The following FNBP1L variants were observed in gnomAD, a reference collection of about 807,000 sequenced individuals.
FNBP1L encodes the protein formin-binding protein 1-like.
Under a neutral mutation model 91.2 loss-of-function variants are expected in FNBP1L, and 36 were observed. The observed-to-expected ratio is 0.39, with a 90% CI of 0.30 to 0.52. The LOEUF is 0.52. Ranked by LOEUF, FNBP1L falls within the 20% of genes least tolerant of loss-of-function variation. FNBP1L has a pLI of 0.66. For missense variants in FNBP1L, 571 were observed against 732.1 expected, an observed-to-expected ratio of 0.78 and a Z score of 2.54; for synonymous variants, 242 against 237.0, an observed-to-expected ratio of 1.02 and a Z score of -0.19.
intron 11 of FNBP1L, among the ~76,000 whole-genome samples, chr1:93,542,192 G>T (rs1218380362): frequency 6.6e-6 from 1 of 151,828 alleles, no homozygotes; most frequent in Non-Finnish European, 1.5e-5. Flanking sequence ...GGGAGGATTG[G>T]TTGAGCCCAG....
chr1:93,487,875 A>G (rs564525997), intron 1 of FNBP1L, among the ~76,000 whole-genome samples: 1 of 152,302 alleles, frequency 6.6e-6, no homozygotes, highest in African/African-American at 2.4e-5. Flanking sequence ...TTTATCGTGT[A>G]TCTTCAGCAG....
chr1:93,475,753 A>G (rs1171812508), intron 1 of FNBP1L, among the ~76,000 whole-genome samples: 1 of 152,202 alleles, frequency 6.6e-6, no homozygotes, highest in Admixed American at 6.5e-5. Context: ...TATGCATGAG[A>G]GTAGTTGTAA....
rs142989195 is a variant in FNBP1L, at chr1:93,521,021, G to A, written c.141-1061G>A. 1.9e-3 allele frequency among the ~76,000 whole-genome samples: 291 copies of A among 150,844 alleles called. 2 individuals carry two copies. Among genetic ancestry groups the A allele is most frequent in the African/African-American group, 6.8e-3 (280 of 40,936 alleles). ...CGCCCCACTGCACTCCAGCCTGGGC[G>A]ACACAGTGAGACTCCATCTCAATAA... On this transcript the variant is annotated intron_variant, in intron 2 of 16. Coordinates refer to ENST00000271234, the MANE Select transcript of FNBP1L (RefSeq NM_001164473.3).
At chr1:93,525,353 C>T (rs1052873189) in intron 5 of FNBP1L, among the ~76,000 whole-genome samples, 1 of 152,056 alleles carries the variant, frequency 6.6e-6, no homozygotes, top group Non-Finnish European at 1.5e-5. Flanking sequence ...ACTTTGATTA[C>T]ATTTCTACTA....
chr1:93,544,853 A>G (rs1233417638), intron 12 of FNBP1L, among the ~76,000 whole-genome samples: 1 of 152,102 alleles, frequency 6.6e-6, no homozygotes, highest in Non-Finnish European at 1.5e-5. Context: ...CTTAATCATA[A>G]TGAAATATTT....
intron 1 of FNBP1L, among the ~76,000 whole-genome samples, chr1:93,476,705 A>AG (rs201231867): frequency 1.3e-5 from 2 of 152,022 alleles, no homozygotes; most frequent in African/African-American, 2.4e-5. Flanking sequence ...GAGTGGGCAG[A>AG]GGGGGGGAGT....
intron 1 of FNBP1L, among the ~76,000 whole-genome samples, chr1:93,466,215 C>A (rs938846653): frequency 1.2e-4 from 18 of 152,184 alleles, no homozygotes; most frequent in African/African-American, 3.9e-4. Flanking sequence ...ATTAGATCCC[C>A]TTTGTCTATT....
rs1377365484 is a variant in FNBP1L at position 93,553,797 on chromosome 1, C to T, written c.*1381C>T. ...ATTCTGTTAATGACATGTATCTTAA[C>T]TAATTTCTTAGTGGTGTTGTAATAG... On this transcript the variant is annotated 3_prime_UTR_variant, in exon 17 of 17. Transcript: ENST00000271234. 6.6e-6 allele frequency: 1 copy of T among 152,584 alleles called. No homozygotes were observed. Among genetic ancestry groups the T allele is most frequent in the African/African-American group, 2.4e-5 (1 of 41,422 alleles). The allele number at this position is 152,584 out of a possible 1,614,324, so 9.5% of individuals were successfully genotyped here.
chr1:93,473,780 A>G (rs1323666834), intron 1 of FNBP1L, among the ~76,000 whole-genome samples: 1 of 152,212 alleles, frequency 6.6e-6, no homozygotes, highest in Non-Finnish European at 1.5e-5. Context: ...CTGTGGAGCC[A>G]GCAGTGGTGG....
intron 1 of FNBP1L, among the ~76,000 whole-genome samples, chr1:93,453,576 A>G (rs1233054547): frequency 6.6e-6 from 1 of 152,194 alleles, no homozygotes; most frequent in African/African-American, 2.4e-5. Context: ...AATGTCAAAT[A>G]CCTTCTGTGT....
intron 1 of FNBP1L, among the ~76,000 whole-genome samples, chr1:93,475,527 A>G (rs901556561): frequency 7.9e-5 from 12 of 152,178 alleles, no homozygotes; most frequent in Non-Finnish European, 1.5e-4. Context: ...TGACTGAGTG[A>G]GACCCTGTCT....
At chr1:93,516,847 A>G (rs1171653326) in intron 2 of FNBP1L, among the ~76,000 whole-genome samples, 1 of 152,152 alleles carries the variant, frequency 6.6e-6, no homozygotes, top group Non-Finnish European at 1.5e-5. Flanking sequence ...TTTCTAGAAA[A>G]CAACCCCATT....
intron 2 of FNBP1L, among the ~76,000 whole-genome samples, chr1:93,507,967 T>A (rs879794081): frequency 2.7e-4 from 41 of 150,824 alleles, no homozygotes; most frequent in East Asian, 2.1e-3. Flanking sequence ...TTTTTTTTTT[T>A]AAATTATGAA....
chr1:93,470,535 A>C lies in FNBP1L; in HGVS notation c.24+22230A>C, dbSNP rs139697402. ...GAGTCTTTGTTGTTGTATAAGTAGA[A>C]AGCTTTCTTATGTTGTTAGATGTCA... On this transcript the variant is annotated intron_variant, in intron 1 of 16. Transcript: ENST00000271234. Among the ~76,000 whole-genome samples, 291 of 152,222 alleles carry C rather than the reference A, an allele frequency of 1.9e-3. 2 individuals are homozygous for C. Among genetic ancestry groups the C allele is most frequent in the African/African-American group, 6.7e-3 (280 of 41,558 alleles).
chr1:93,549,210 A>C, intron 14 of FNBP1L, 68 bp from the exon 15 acceptor site: 1 of 1,320,798 alleles, frequency 7.6e-7, no homozygotes, highest in Middle Eastern at 2.0e-4. Context: ...GAGGTGATCA[A>C]TTTATAAATA....
chr1:93,519,006 T>G (rs1379814606), intron 2 of FNBP1L, among the ~76,000 whole-genome samples: 3 of 152,258 alleles, frequency 2.0e-5, no homozygotes, highest in African/African-American at 7.2e-5. Context: ...TCATGCCCAA[T>G]TACTAGTTTG....
At chr1:93,461,549 G>A (rs1033817585) in intron 1 of FNBP1L, among the ~76,000 whole-genome samples, 1 of 144,550 alleles carries the variant, frequency 6.9e-6, no homozygotes, top group African/African-American at 2.5e-5. Flanking sequence ...TATTTAAGGC[G>A]CAAAAAAAAA....
At chr1:93,458,946 A>G (rs549374138) in intron 1 of FNBP1L, among the ~76,000 whole-genome samples, 2 of 152,344 alleles carry the variant, frequency 1.3e-5, no homozygotes, top group South Asian at 4.1e-4. Context: ...TTGGTACTAC[A>G]CGAGGTTTTA....
intron 14 of FNBP1L, among the ~76,000 whole-genome samples, chr1:93,547,722 G>C (rs1672288083): frequency 6.6e-6 from 1 of 152,070 alleles, no homozygotes; most frequent in African/African-American, 2.4e-5. Flanking sequence ...CCTCGGGCAT[G>C]GGAAGGTTTC....
Sources: allele counts gnomAD v4.1 joint callset (sites outside exome capture counted in the v4.1 genomes callset), GRCh38; gene constraint gnomAD v4.1.1; transcripts MANE v1.5; gene names NCBI Gene and HGNC (gene_info 2026-07-23, HGNC 2026-07-21).